Variants in HIVEP2 observed in about 807,000 individuals in gnomAD.
HIVEP2 encodes the protein transcription factor HIVEP2.
A neutral mutation model predicts 180.7 loss-of-function variants in HIVEP2; 14 were observed. The ratio of observed to expected loss-of-function variants is 0.08; its 90% CI spans 0.05 to 0.12. The LOEUF is 0.12. Ranked by LOEUF, HIVEP2 falls within the 10% of genes least tolerant of loss-of-function variation. The pLI is 1.00. For missense variants in HIVEP2, 2,579 were observed against 3,008.5 expected (o/e 0.86, Z 3.34); for synonymous variants, 1,184 against 1,136.4 (o/e 1.04, Z -0.84).
At chr6:142,877,890 T>C (rs1776483566) in intron 1 of HIVEP2, among the ~76,000 whole-genome samples, 1 of 152,174 alleles carries the variant, frequency 6.6e-6, no homozygotes, top group Non-Finnish European at 1.5e-5. Context: ...ATTAGAAAGA[T>C]GTATTGCTTG....
intron 2 of HIVEP2, among the ~76,000 whole-genome samples, chr6:142,800,128 C>A (rs1475306929): frequency 2.0e-5 from 3 of 152,160 alleles, no homozygotes; most frequent in Admixed American, 6.5e-5. Flanking sequence ...CTGAAAATGT[C>A]TGCATTTGGC....
chr6:142,852,055 C>T (rs1775694151), intron 1 of HIVEP2, among the ~76,000 whole-genome samples: 1 of 152,182 alleles, frequency 6.6e-6, no homozygotes, highest in Non-Finnish European at 1.5e-5. Context: ...GTGTTTATTA[C>T]TATAAAGTAA....
In HIVEP2 at chr6:142,918,493, C is replaced by T. The variant is rs560539453; in HGVS notation, c.-641+26606G>A. On this transcript the variant is annotated intron_variant, in intron 1 of 9. Coordinates refer to ENST00000367603, the MANE Select transcript of HIVEP2 (RefSeq NM_006734.4). The stretch of plus-strand genomic sequence containing the variant: ...CTTTAACAGACCGCGTGCCTCCTAA[C>T]GACAGCATCTGGATGTTCTGCCCTG... Among the ~76,000 whole-genome samples, 10 of 152,342 alleles carry T rather than the reference C, an allele frequency of 6.6e-5. No individual in the cohort carries two copies. In the East Asian group the frequency reaches 1.2e-3, roughly 18 times the overall value.
rs1486357922 is a variant in HIVEP2 at position 142,896,642 on chromosome 6, C to CA, written c.-641+48456dup. Among the ~76,000 whole-genome samples the CA allele has an allele frequency of 3.3e-5, 5 of 151,762 alleles. No homozygotes were observed. The South Asian group carries it at 6.2e-4, about 19-fold the overall frequency. ...ATAAATAAATTTGCCTTTCACTTCACAAAAAAGAAAAAACAATAAAATAAT... is the reference window on the plus strand; with the variant it reads ...ATAAATAAATTTGCCTTTCACTTCACAAAAAAAGAAAAAACAATAAAATAAT... On this transcript the variant is annotated intron_variant, in intron 1 of 9. Transcript: ENST00000367603.
At position 142,772,036 on chromosome 6, in the gene HIVEP2, C is replaced by T; in HGVS notation, c.2703G>A (p.Glu901=). ...IRVTEEPDKP[E]KEKEAQSKEP... ...CTTTGCTCTGGGCTTCCTTCTCCTTCTCAGGTTTATCAGGCTCCTCGGTCA... is the reference window on the plus strand; with the variant it reads ...CTTTGCTCTGGGCTTCCTTCTCCTTTTCAGGTTTATCAGGCTCCTCGGTCA... Residue 901 remains glutamate, a synonymous_variant, in exon 5 of 10, where the codon GAG becomes GAA. Coordinates refer to ENST00000367603, the MANE Select transcript of HIVEP2 (RefSeq NM_006734.4). This position sits in a 1 kb window ranked among gnomAD's most constrained non-coding sequence, Gnocchi z 4.9. 5.0e-6 allele frequency: 8 copies of T among 1,614,194 alleles called. No homozygotes were observed. Among genetic ancestry groups the T allele is most frequent in the Non-Finnish European group, 6.8e-6 (8 of 1,180,050 alleles).
At chr6:142,807,690 A>T (rs1776587411) in intron 2 of HIVEP2, among the ~76,000 whole-genome samples, 1 of 152,168 alleles carries the variant, frequency 6.6e-6, no homozygotes, top group Admixed American at 6.5e-5. Flanking sequence ...TAATAAGTCG[A>T]AACTATCCCA....
chr6:142,853,164 A>C (rs1775733285), intron 1 of HIVEP2, among the ~76,000 whole-genome samples: 1 of 152,206 alleles, frequency 6.6e-6, no homozygotes, highest in Non-Finnish European at 1.5e-5. Flanking sequence ...TGTACACAAG[A>C]TCATGTCCAA....
Position 142,813,735 on chromosome 6 carries a change from T to G in HIVEP2, c.-528+23200A>C, listed in dbSNP as rs575081757. The stretch of plus-strand genomic sequence containing the variant: ...GGACTATAGGTACATGCCCCAGAAT[T>G]TTTTATTTTTTTGTAGAGACAAGGT... On this transcript the variant is annotated intron_variant, in intron 2 of 9. Coordinates refer to ENST00000367603, the MANE Select transcript of HIVEP2 (RefSeq NM_006734.4). Among the ~76,000 whole-genome samples, 7 of 151,748 alleles carry G rather than the reference T, an allele frequency of 4.6e-5. No individual in the cohort carries two copies. In the East Asian group the frequency reaches 1.2e-3, roughly 25 times the overall value.
chr6:142,817,514 A>G (rs763545507), intron 2 of HIVEP2, among the ~76,000 whole-genome samples: 1 of 152,254 alleles, frequency 6.6e-6, no homozygotes, highest in Non-Finnish European at 1.5e-5. Flanking sequence ...CTTATGTACT[A>G]TGCTGGACAC....
intron 1 of HIVEP2, among the ~76,000 whole-genome samples, chr6:142,909,836 G>C (rs984518717): frequency 6.6e-6 from 1 of 152,108 alleles, no homozygotes; most frequent in Non-Finnish European, 1.5e-5. Context: ...ACTGTAAATT[G>C]GGGGAAACAC....
intron 2 of HIVEP2, among the ~76,000 whole-genome samples, chr6:142,807,148 G>A (rs551713098): frequency 1.4e-4 from 21 of 152,184 alleles, no homozygotes; most frequent in Non-Finnish European, 3.1e-4. Flanking sequence ...CCAATAGCCT[G>A]GAGCTGGAAA....
chr6:142,899,014 T>C (rs951052454), intron 1 of HIVEP2, among the ~76,000 whole-genome samples: 1 of 152,154 alleles, frequency 6.6e-6, no homozygotes, highest in South Asian at 2.1e-4. Context: ...TGAGAGATAT[T>C]TGTAAAATGC....
chr6:142,798,115 A>T (rs919467487), intron 2 of HIVEP2, among the ~76,000 whole-genome samples: 1 of 152,056 alleles, frequency 6.6e-6, no homozygotes, highest in Non-Finnish European at 1.5e-5. Flanking sequence ...TTCTTTGGTC[A>T]TTGCTACTAC....
At chr6:142,831,121 G>T (rs1226120566) in intron 2 of HIVEP2, among the ~76,000 whole-genome samples, 1 of 152,214 alleles carries the variant, frequency 6.6e-6, no homozygotes, top group Non-Finnish European at 1.5e-5. Flanking sequence ...GCAGTGAACC[G>T]TGGAAGGGTC....
intron 1 of HIVEP2, among the ~76,000 whole-genome samples, chr6:142,939,331 G>A (rs1300673708): frequency 6.6e-6 from 1 of 151,882 alleles, no homozygotes; most frequent in Non-Finnish European, 1.5e-5. Context: ...TTGCCACCGA[G>A]ATATTCATCC....
intron 1 of HIVEP2, among the ~76,000 whole-genome samples, chr6:142,938,392 A>C (rs1415186354): frequency 6.6e-6 from 1 of 152,158 alleles, no homozygotes; most frequent in Admixed American, 6.5e-5. Flanking sequence ...TTCCAAAAGA[A>C]ATAAAACACT....
intron 1 of HIVEP2, among the ~76,000 whole-genome samples, chr6:142,932,043 C>T (rs569292861): frequency 6.6e-6 from 1 of 152,292 alleles, no homozygotes; most frequent in African/African-American, 2.4e-5. Flanking sequence ...GAGTCCTCGG[C>T]CAGGGTTGAT....
intron 2 of HIVEP2, among the ~76,000 whole-genome samples, chr6:142,786,536 A>G (rs1776003068): frequency 6.6e-6 from 1 of 152,200 alleles, no homozygotes; most frequent in Non-Finnish European, 1.5e-5. Context: ...TTTGTAATAA[A>G]CACTTGGAAG....
At chr6:142,758,925 G>T (rs959402539) in intron 9 of HIVEP2, among the ~76,000 whole-genome samples, 2 of 152,114 alleles carry the variant, frequency 1.3e-5, no homozygotes, top group African/African-American at 4.8e-5. Context: ...TAAACATGCC[G>T]AGTGTGTCAT....
Sources: gnomAD v4.1 joint callset for allele counts (sites outside exome capture counted in the v4.1 genomes callset) on GRCh38, gnomAD v4.1.1 for gene constraint, Gnocchi (gnomAD v3.1) non-coding constraint, MANE v1.5 for transcripts, NCBI Gene and HGNC (gene_info 2026-07-23, HGNC 2026-07-21) for gene names.